SLC15A1: variants seen among roughly 807,000 people sequenced by gnomAD.
The protein encoded by SLC15A1 is Caco-2 oligopeptide transporter.
Under a neutral mutation model 92.9 loss-of-function variants are expected in SLC15A1, and 83 were observed. That is an observed-to-expected ratio of 0.89 (90% CI 0.75 to 1.07). The LOEUF (loss-of-function observed/expected upper bound fraction) is 1.07, where lower values mean the gene tolerates loss of function less well. Ranked by LOEUF, SLC15A1 falls within the 50% of genes least tolerant of loss-of-function variation. The pLI, the probability that SLC15A1 is intolerant of heterozygous loss-of-function variation, is 0.00. For synonymous variants in SLC15A1, 322 were observed against 318.2 expected (o/e 1.01, Z -0.13); for missense variants, 857 against 880.1 (o/e 0.97, Z 0.33).
intron 1 of SLC15A1, among the ~76,000 whole-genome samples, chr13:98,742,367 A>T (rs2088455494): frequency 6.6e-6 from 1 of 152,126 alleles, no homozygotes; most frequent in African/African-American, 2.4e-5. Context: ...CTTCCATGCA[A>T]AGTCTGTCGC....
chr13:98,723,384 A>T (rs1593998587), intron 5 of SLC15A1, among the ~76,000 whole-genome samples: 1 of 152,236 alleles, frequency 6.6e-6, no homozygotes, highest in East Asian at 1.9e-4. Context: ...ATAAATCTCT[A>T]CAACTAGTCT....
rs146884292 is a variant in SLC15A1 at position 98,696,838 on chromosome 13, T to A, written c.1466+5642A>T. Among the ~76,000 whole-genome samples the A allele has an allele frequency of 2.2e-3, 331 of 152,208 alleles. 1 individual carries two copies. The highest frequency in any genetic ancestry group is 6.5e-3 in the African/African-American group (270 of 41,536). On this transcript the variant is annotated intron_variant, in intron 18 of 22. Transcript: ENST00000376503. ...GAGAGATTTTTAAAGGGTTTCCTCCTTTAAAGGTGATTAGGATGGGTCTTA... is the reference window on the plus strand; with the variant it reads ...GAGAGATTTTTAAAGGGTTTCCTCCATTAAAGGTGATTAGGATGGGTCTTA...
chr13:98,742,141 C>T (rs1321773867), intron 1 of SLC15A1, among the ~76,000 whole-genome samples: 1 of 152,210 alleles, frequency 6.6e-6, no homozygotes, highest in Non-Finnish European at 1.5e-5. Flanking sequence ...CCGTGAGGGG[C>T]TCCACCTCCC....
Position 98,732,433 on chromosome 13 carries a change from A to G in SLC15A1, c.5-5574T>C, listed in dbSNP as rs187330351. Among the ~76,000 whole-genome samples, 33 of 152,238 alleles carry G rather than the reference A, an allele frequency of 2.2e-4. No individual in the cohort carries two copies. The East Asian group carries it at 5.6e-3, about 26-fold the overall frequency. On this transcript the variant is annotated intron_variant, in intron 1 of 22. Coordinates refer to ENST00000376503, the MANE Select transcript of SLC15A1 (RefSeq NM_005073.4). ...TAATTTGATGAAATAAGTGTATATT[A>G]TACATTTATATGATTACTGACTTGG...
chr13:98,697,141 T>C (rs2088028554), intron 18 of SLC15A1, among the ~76,000 whole-genome samples: 1 of 152,178 alleles, frequency 6.6e-6, no homozygotes, highest in Non-Finnish European at 1.5e-5. Flanking sequence ...CTGCAACCTC[T>C]GCCTCCTGGG....
intron 9 of SLC15A1, among the ~76,000 whole-genome samples, chr13:98,714,414 T>A (rs568194186): frequency 9.2e-5 from 14 of 152,054 alleles, no homozygotes; most frequent in Admixed American, 8.5e-4. Flanking sequence ...CCCAGCACTT[T>A]GGGAGGCTGA....
At chr13:98,709,813 T>A (rs1477569349) in intron 12 of SLC15A1, 39 bp from the exon 13 acceptor site, 1 of 1,613,964 alleles carries the variant, frequency 6.2e-7, no homozygotes, top group Non-Finnish European at 8.5e-7. Context: ...AAAAATGTCA[T>A]GAAAGGGAAG....
intron 1 of SLC15A1, among the ~76,000 whole-genome samples, chr13:98,742,974 A>G (rs1423221158): frequency 1.3e-5 from 2 of 152,112 alleles, no homozygotes; most frequent in African/African-American, 4.8e-5. Context: ...AAGGTCTGCT[A>G]TGTTACCCAG....
intron 18 of SLC15A1, among the ~76,000 whole-genome samples, chr13:98,690,846 T>C (rs1219559309): frequency 6.6e-6 from 1 of 151,950 alleles, no homozygotes; most frequent in Non-Finnish European, 1.5e-5. Flanking sequence ...GATTTGCACA[T>C]CTAAACATGT....
intron 9 of SLC15A1, among the ~76,000 whole-genome samples, chr13:98,714,849 A>G (rs1248804258): frequency 6.6e-6 from 1 of 152,080 alleles, no homozygotes; most frequent in Non-Finnish European, 1.5e-5. Context: ...CACTAAAAAA[A>G]TGGGGAGTGT....
intron 7 of SLC15A1, among the ~76,000 whole-genome samples, chr13:98,720,359 C>T (rs1233353534): frequency 6.6e-6 from 1 of 152,092 alleles, no homozygotes; most frequent in East Asian, 1.9e-4. Context: ...TAAACATGCA[C>T]CCTCTAGTAG....
At chr13:98,700,322 A>G (rs1447039645) in intron 18 of SLC15A1, among the ~76,000 whole-genome samples, 1 of 151,848 alleles carries the variant, frequency 6.6e-6, no homozygotes, top group Non-Finnish European at 1.5e-5. Context: ...CCCCATCTCT[A>G]CCAAAAGTGA....
rs115938569 is a variant in SLC15A1, at chr13:98,712,002, G to A, written c.811-59C>T. 8.7e-4 allele frequency: 1,086 copies of A among 1,250,684 alleles called. 10 individuals are homozygous for A. In the African/African-American group the frequency reaches 0.014, roughly 16 times the overall value. 77.5% of individuals were successfully genotyped at this position (1,250,684 alleles called of 1,614,324 possible). On this transcript the variant is annotated intron_variant, in intron 10 of 22. Transcript: ENST00000376503. ...ACACCCTGTGTCCTGTGCCACTCAC[G>A]GCTTACAGGTGCTGCTGATTTCAGT...
intron 1 of SLC15A1, among the ~76,000 whole-genome samples, chr13:98,734,909 G>A (rs531014215): frequency 1.2e-4 from 19 of 152,170 alleles, no homozygotes; most frequent in Non-Finnish European, 2.5e-4. Flanking sequence ...AAGGTACAAA[G>A]AGGAGCTGGT....
At chr13:98,726,052 A>G (rs1163909430) in intron 4 of SLC15A1, 71 bp downstream of exon 4, 14 of 1,560,152 alleles carry the variant, frequency 9.0e-6, no homozygotes, top group Non-Finnish European at 1.2e-5. Context: ...CCCAGATTCC[A>G]CCATTCCCAA....
Position 98,706,243 on chromosome 13 carries a change from GGA to G in SLC15A1, c.1158_1159del (p.Pro387SerfsTer11), listed in dbSNP as rs1346823062. On this transcript the variant is annotated frameshift_variant, in exon 16 of 23. Coordinates refer to ENST00000376503, the MANE Select transcript of SLC15A1 (RefSeq NM_005073.4). LOFTEE classifies it high-confidence loss of function. ...GACTTCGTTTCCTTTGGGGAAGACT[GGA>G]AGAGTTTTCTGAGCAAAATAAAAGA... 6 of 1,612,420 alleles carry G rather than the reference GGA, an allele frequency of 3.7e-6. No individual in the cohort carries two copies. Among genetic ancestry groups the G allele is most frequent in the Middle Eastern group, 1.7e-4 (1 of 6,050 alleles).
At chr13:98,729,553 G>A (rs2088330791) in intron 1 of SLC15A1, among the ~76,000 whole-genome samples, 1 of 152,124 alleles carries the variant, frequency 6.6e-6, no homozygotes, top group African/African-American at 2.4e-5. Flanking sequence ...GGTTCCAAAC[G>A]CCAGAAAGAC....
chr13:98,702,967 CAAAAAAAAAA>C (rs535486738), intron 17 of SLC15A1, among the ~76,000 whole-genome samples: 7,363 of 77,840 alleles, frequency 0.095, 572 homozygotes, highest in African/African-American at 0.25. Context: ...GATCCTGTCT[CAAAAAAAAAA>C]AAAAAAAAAA....
chr13:98,726,823 G>C lies in SLC15A1; in HGVS notation c.21+20C>G. On this transcript the variant is annotated intron_variant, in intron 2 of 22. Coordinates refer to ENST00000376503, the MANE Select transcript of SLC15A1 (RefSeq NM_005073.4). ...AATTTACAAGATGAAGATATGTAGA[G>C]AAGGAAAAAGGGTACTCACGTGTGA... 6.2e-7 allele frequency: 1 copy of C among 1,610,330 alleles called. No homozygotes were observed. The highest frequency in any genetic ancestry group is 8.5e-7 in the Non-Finnish European group (1 of 1,176,648).
Sources: allele counts gnomAD v4.1 joint callset (sites outside exome capture counted in the v4.1 genomes callset), GRCh38; gene constraint gnomAD v4.1.1; transcripts MANE v1.5; gene names NCBI Gene and HGNC (gene_info 2026-07-23, HGNC 2026-07-21).